Variants in MASP1 observed in about 807,000 individuals in gnomAD.
MASP1 encodes the protein mannan-binding lectin serine protease 1.
MASP1 carries 59 observed loss-of-function variants against 77.1 expected under a neutral mutation model. The ratio of observed to expected loss-of-function variants is 0.77; its 90% CI spans 0.62 to 0.95. The LOEUF (loss-of-function observed/expected upper bound fraction) is 0.95, where lower values mean the gene tolerates loss of function less well. Ranked by LOEUF, MASP1 falls within the 40% of genes least tolerant of loss-of-function variation. The pLI is 0.00. For missense variants in MASP1, 885 were observed against 912.9 expected (o/e 0.97, Z 0.39); for synonymous variants, 362 against 354.5 (o/e 1.02, Z -0.24).
At chr3:187,232,153 G>A (rs1712802422), downstream of MASP1, among the ~76,000 whole-genome samples, 1 of 152,068 alleles carries the variant, frequency 6.6e-6, no homozygotes, top group Admixed American at 6.5e-5. Context: ...GGGTGCTGTT[G>A]ACTACTTCAT....
At position 187,235,795 on chromosome 3, in the gene MASP1, G is replaced by A. The variant is rs745444812; in HGVS notation, c.2076C>T (p.Cys692=). 1.8e-5 allele frequency: 29 copies of A among 1,613,844 alleles called. No homozygotes were observed. The highest frequency in any genetic ancestry group is 1.6e-4 in the Middle Eastern group (1 of 6,084). Residue 692 remains cysteine (C), a synonymous_variant, in exon 11 of 11, where the codon TGC becomes TGT. Coordinates refer to ENST00000296280, the MANE Select transcript of MASP1 (RefSeq NM_139125.4). ...GLVSWGGPEE[C]GSKQVYGVYT... ...AGACTCCATAGACCTGCTTGCTGCC[G>A]CATTCTTCAGGTCCCCCCCAGGACA... is the stretch of plus-strand genomic sequence containing the variant.
At chr3:187,233,641 T>G (rs147946744), downstream of MASP1, among the ~76,000 whole-genome samples, 1 of 152,362 alleles carries the variant, frequency 6.6e-6, no homozygotes, top group Non-Finnish European at 1.5e-5. Flanking sequence ...TCCATGATGC[T>G]GTAGTTGCCT....
At chr3:187,224,827 A>C (rs1230681938) in intron 13 of MASP1, among the ~76,000 whole-genome samples, 3 of 152,228 alleles carry the variant, frequency 2.0e-5, no homozygotes, top group African/African-American at 7.2e-5. Context: ...CATCCCTGGC[A>C]GTGGTTTTTC....
chr3:187,250,652 G>A (rs1164645598), intron 7 of MASP1, among the ~76,000 whole-genome samples: 1 of 152,160 alleles, frequency 6.6e-6, no homozygotes, highest in Non-Finnish European at 1.5e-5. Flanking sequence ...ATCTCCTAGA[G>A]AGCTTGTTAA....
intron 15 of MASP1, chr3:187,220,958 C>A (rs888481106): frequency 4.2e-5 from 52 of 1,225,472 alleles, no homozygotes; most frequent in Non-Finnish European, 5.9e-5. Context: ...GGTTGGGAGG[C>A]CTCTGTGCTC....
chr3:187,241,643 A>T (rs1157228558), intron 9 of MASP1, 88 bp from the exon 10 acceptor site: 2 of 900,278 alleles, frequency 2.2e-6, no homozygotes, highest in African/African-American at 1.6e-5. Context: ...TAATTTCTCT[A>T]AAGTGAGTTA....
At chr3:187,221,851 A>G (rs570247765) in intron 14 of MASP1, among the ~76,000 whole-genome samples, 1 of 152,382 alleles carries the variant, frequency 6.6e-6, no homozygotes, top group Non-Finnish European at 1.5e-5. Flanking sequence ...CAAAATCGAT[A>G]CATAAAAATA....
intron 2 of MASP1, among the ~76,000 whole-genome samples, chr3:187,273,832 T>C (rs1048121874): frequency 2.0e-5 from 3 of 152,318 alleles, no homozygotes; most frequent in African/African-American, 7.2e-5. Context: ...AGCTGGCAGA[T>C]CTAAGCTCAA....
chr3:187,261,160 A>G (rs979684829), intron 3 of MASP1, among the ~76,000 whole-genome samples: 1 of 152,182 alleles, frequency 6.6e-6, no homozygotes, highest in East Asian at 1.9e-4. Flanking sequence ...TATAATAATA[A>G]CTGTGTGTGG....
chr3:187,284,015 AC>A (rs897225721), intron 2 of MASP1, among the ~76,000 whole-genome samples: 2 of 151,578 alleles, frequency 1.3e-5, no homozygotes, highest in South Asian at 2.1e-4. Context: ...CTCAGTGAAG[AC>A]CCCCCTGGTT....
At chr3:187,276,655 T>C (rs955677738) in intron 2 of MASP1, 1 of 152,268 alleles carries the variant, frequency 6.6e-6, no homozygotes, top group Non-Finnish European at 1.5e-5. Context: ...AAGCCTGTGC[T>C]GTTTGCACTT....
At chr3:187,226,764 AAC>A (rs1712462220) in intron 11 of MASP1, among the ~76,000 whole-genome samples, 1 of 152,344 alleles carries the variant, frequency 6.6e-6, no homozygotes, top group African/African-American at 2.4e-5. Context: ...GAACATTGTA[AAC>A]AGGATTTCAG....
At position 187,223,162 on chromosome 3, in the gene MASP1, G is replaced by A. The variant is rs148556944; in HGVS notation, c.1774C>T (p.Gln592Ter). 3.7e-6 allele frequency: 6 copies of A among 1,614,038 alleles called. No individual in the cohort carries two copies. The highest frequency in any genetic ancestry group is 5.1e-6 in the Non-Finnish European group (6 of 1,180,014). ...GTCTCTGGGAACCTTTGCAAGAACT[G>A]CTTCCCCCAGCCGCTGACGATGACC... The change falls in exon 14 of 16, where the codon CAG (glutamine) becomes TAG (stop). Residue 592 changes from glutamine to a stop codon, truncating the protein, a stop_gained. Transcript: ENST00000337774. LOFTEE classifies it high-confidence loss of function.
intron 2 of MASP1, 78 bp from the exon 3 acceptor site, chr3:187,262,798 G>A: frequency 7.4e-7 from 1 of 1,358,246 alleles, no homozygotes; most frequent in South Asian, 1.2e-5. Context: ...GAAAGAAAAA[G>A]GAAGGGGCCA....
chr3:187,234,195 T>C lies in MASP1; in HGVS notation c.*1489A>G. On this transcript the variant is annotated 3_prime_UTR_variant, in exon 11 of 11. Coordinates refer to ENST00000296280, the MANE Select transcript of MASP1 (RefSeq NM_139125.4). ...GATATAAAAGATACAAAATATAACA[T>C]CATTTACATGTGCCATTCATAGACA... The C allele has an allele frequency of 7.8e-7, 1 of 1,287,192 alleles. No individual in the cohort carries two copies. Among genetic ancestry groups the C allele is most frequent in the Non-Finnish European group, 1.0e-6 (1 of 988,678 alleles). 79.7% of individuals were successfully genotyped at this position (1,287,192 alleles called of 1,614,324 possible).
chr3:187,278,244 C>T (rs2108596188), intron 2 of MASP1, among the ~76,000 whole-genome samples: 1 of 152,328 alleles, frequency 6.6e-6, no homozygotes, highest in East Asian at 1.9e-4. Flanking sequence ...GTCTGAATGA[C>T]TCCAAAGTTT....
chr3:187,270,853 A>G (rs1385164553), intron 2 of MASP1, among the ~76,000 whole-genome samples: 1 of 152,194 alleles, frequency 6.6e-6, no homozygotes, highest in East Asian at 1.9e-4. Flanking sequence ...ACTAAGGCCA[A>G]AGATGACCTT....
At chr3:187,278,159 T>G (rs184867248) in intron 2 of MASP1, among the ~76,000 whole-genome samples, 12 of 152,344 alleles carry the variant, frequency 7.9e-5, no homozygotes, top group Non-Finnish European at 1.6e-4. Context: ...ATCTCCATTT[T>G]ACAGATGGAG....
At chr3:187,241,873 A>G (rs375224454) in intron 9 of MASP1, 8 of 330,096 alleles carry the variant, frequency 2.4e-5, no homozygotes, top group South Asian at 1.1e-4. Flanking sequence ...TAAAATGGGA[A>G]TGTGACCATG....
Sources: allele counts gnomAD v4.1 joint callset (sites outside exome capture counted in the v4.1 genomes callset), GRCh38; gene constraint gnomAD v4.1.1; transcripts MANE v1.5; gene names NCBI Gene and HGNC (gene_info 2026-07-23, HGNC 2026-07-21).